PC: variants seen among roughly 807,000 people sequenced by gnomAD.
PC encodes pyruvate carboxylase.
In PC, 46 loss-of-function variants were observed where a neutral mutation model predicts 107.8. The observed-to-expected ratio is 0.43, with a 90% confidence interval of 0.34 to 0.55. PC has a LOEUF of 0.55. Ranked by LOEUF, PC falls within the 20% of genes least tolerant of loss-of-function variation. The probability of loss-of-function intolerance (pLI) is 0.04; values close to 1 mark genes in which losing one functional copy is unlikely to be tolerated. For missense variants in PC, 1,241 were observed against 1,643.1 expected (o/e 0.76, Z 4.23); for synonymous variants, 662 against 684.7 (o/e 0.97, Z 0.52).
At chr11:66,928,507 A>C (rs1442081707) in intron 3 of PC, among the ~76,000 whole-genome samples, 1 of 151,956 alleles carries the variant, frequency 6.6e-6, no homozygotes, top group South Asian at 2.1e-4. Context: ...AAAAAAAATA[A>C]TGTGAGCATT....
At chr11:66,853,532 C>T in intron 12 of PC, 149 bp from the exon 13 acceptor site, 1 of 907,078 alleles carries the variant, frequency 1.1e-6, no homozygotes, top group Non-Finnish European at 1.8e-6. Context: ...TTCCCCGTCC[C>T]TCAGCCCTCT....
rs759066494 is a variant in PC at position 66,852,671 on chromosome 11, CAG to C, written c.1604-13_1604-12del. 33 of 1,613,090 alleles carry C rather than the reference CAG, an allele frequency of 2.0e-5. No homozygotes were observed. Among genetic ancestry groups the C allele is most frequent in the South Asian group, 4.4e-5 (4 of 91,068 alleles). On this transcript the variant is annotated splice_polypyrimidine_tract_variant and intron_variant, in intron 14 of 22. Transcript: ENST00000393960. This position sits in a 1 kb window ranked among gnomAD's most constrained non-coding sequence, Gnocchi z 4.7. ...CAGCCGGGGGCGGGCCTAGGGTAGA[CAG>C]GGGCATTGGTGCCCATCCTGCAGGT...
intron 12 of PC, among the ~76,000 whole-genome samples, chr11:66,856,347 G>T (rs1297154224): frequency 6.6e-6 from 1 of 151,834 alleles, no homozygotes; most frequent in African/African-American, 2.4e-5. Context: ...GCTCCGGAAC[G>T]CCTGGCCCGC....
In PC at chr11:66,850,490, G is replaced by A. The variant is rs757093553; in HGVS notation, c.2474-26C>T. 5 of 1,613,686 alleles carry A rather than the reference G, an allele frequency of 3.1e-6. No homozygotes were observed. The South Asian group carries it at 3.3e-5, about 11-fold the overall frequency. On this transcript the variant is annotated intron_variant, in intron 18 of 22. Coordinates refer to ENST00000393960, the MANE Select transcript of PC (RefSeq NM_001040716.2). ...CTGCAGGGAGGCCAGAGTCAGAGGA[G>A]GCCTTAGAAATGTGTGACTCTTCCA...
chr11:66,868,988 G>A, intron 9 of PC, 24 bp from the exon 10 acceptor site: 1 of 1,572,930 alleles, frequency 6.4e-7, no homozygotes, highest in South Asian at 1.1e-5. Flanking sequence ...CACGTGAGCA[G>A]GGGAGGGCAC....
chr11:66,914,412 T>G (rs1487495133), intron 3 of PC, among the ~76,000 whole-genome samples: 1 of 151,626 alleles, frequency 6.6e-6, no homozygotes, highest in African/African-American at 2.4e-5. Context: ...CTAGGGAGGC[T>G]GAGGCAGGAA....
intron 3 of PC, among the ~76,000 whole-genome samples, chr11:66,900,444 G>A (rs550361482): frequency 2.0e-5 from 3 of 152,078 alleles, no homozygotes; most frequent in African/African-American, 7.2e-5. Flanking sequence ...TTACAGGTGC[G>A]AGCCACTGCA....
intron 3 of PC, among the ~76,000 whole-genome samples, chr11:66,900,325 C>A (rs566135527): frequency 6.6e-6 from 1 of 152,152 alleles, no homozygotes; most frequent in Non-Finnish European, 1.5e-5. Flanking sequence ...CAGGCGCCCA[C>A]CACCACGCCC....
intron 3 of PC, among the ~76,000 whole-genome samples, chr11:66,905,161 G>C (rs777264272): frequency 1.3e-5 from 2 of 152,242 alleles, no homozygotes; most frequent in African/African-American, 4.8e-5. Context: ...ATCTGCTGAC[G>C]AGGCAAGACT....
Position 66,861,722 on chromosome 11 carries a change from C to T in PC, c.1368+2052G>A, listed in dbSNP as rs1056989502. Among the ~76,000 whole-genome samples, 13 of 152,216 alleles carry T rather than the reference C, an allele frequency of 8.5e-5. No homozygotes were observed. In the South Asian group the frequency reaches 1.0e-3, roughly 12 times the overall value. ...GGGCGCTAGCATGAGGCTCAGGAGG[C>T]GGCTAGAGCCAGCGGCCTGGTCTTG... On this transcript the variant is annotated intron_variant, in intron 12 of 22. Transcript: ENST00000393960.
intron 3 of PC, among the ~76,000 whole-genome samples, chr11:66,943,016 C>CAA (rs373572519): frequency 8.2e-6 from 1 of 121,516 alleles, no homozygotes; most frequent in Non-Finnish European, 1.8e-5. Flanking sequence ...AACTCCATCT[C>CAA]AAAAAAAAAA....
At chr11:66,939,634 G>A (rs555955772) in intron 3 of PC, among the ~76,000 whole-genome samples, 72 of 151,850 alleles carry the variant, frequency 4.7e-4, no homozygotes, top group Admixed American at 6.6e-5. Context: ...GAGAAACCCC[G>A]TCTCTACTAA....
chr11:66,862,117 GC>G (rs1946290193), intron 12 of PC, among the ~76,000 whole-genome samples: 1 of 152,160 alleles, frequency 6.6e-6, no homozygotes, highest in African/African-American at 2.4e-5. Context: ...CACCGAAGCA[GC>G]CGCAGGACAT....
intron 3 of PC, among the ~76,000 whole-genome samples, chr11:66,927,933 G>A (rs1224956785): frequency 4.6e-5 from 7 of 152,148 alleles, no homozygotes; most frequent in African/African-American, 1.7e-4. Flanking sequence ...TGAAGAGACA[G>A]AGAGGGAACT....
intron 12 of PC, among the ~76,000 whole-genome samples, chr11:66,862,219 C>T (rs1048739844): frequency 2.6e-5 from 4 of 152,196 alleles, no homozygotes; most frequent in African/African-American, 4.8e-5. Flanking sequence ...CCTATGTGCA[C>T]GACAGGGACC....
chr11:66,861,162 G>A (rs755430858), intron 12 of PC, among the ~76,000 whole-genome samples: 3 of 152,202 alleles, frequency 2.0e-5, no homozygotes, highest in African/African-American at 2.4e-5. Context: ...GGAGGCAGCC[G>A]GATGGGCACG....
intron 9 of PC, among the ~76,000 whole-genome samples, chr11:66,869,333 C>G (rs1476669133): frequency 6.6e-6 from 1 of 151,760 alleles, no homozygotes; most frequent in African/African-American, 2.4e-5. Context: ...CCAGGCCTCT[C>G]CCAGCCGCTG....
rs1945325845 is a variant in PC, at chr11:66,849,249, T to C, written c.3269A>G (p.Lys1090Arg). Residue 1090 changes from lysine to arginine, a missense_variant, in exon 22 of 23, where the codon AAG (lysine) becomes AGG (arginine). Lys to Arg is a conservative substitution (Grantham distance 26). Around this residue, in one of 2 missense-constraint regions of PC, gnomAD observed 1,143 missense variants for 1,551.9 expected, o/e 0.74. Coordinates refer to ENST00000393960, the MANE Select transcript of PC (RefSeq NM_001040716.2). ...LNGQLRSILV[K>R]DTQAMKEMHF... ...CAATACCTTCATGGCCTGGGTGTCC[T>C]TGACCAAGATGGACCGCAGCTGCCC... The C allele has an allele frequency of 6.2e-7, 1 of 1,613,708 alleles. No homozygotes were observed. Among genetic ancestry groups the C allele is most frequent in the Non-Finnish European group, 8.5e-7 (1 of 1,180,018 alleles).
At chr11:66,943,783 AAAG>A (rs1949212794) in intron 3 of PC, among the ~76,000 whole-genome samples, 1 of 146,320 alleles carries the variant, frequency 6.8e-6, no homozygotes, top group South Asian at 2.2e-4. Flanking sequence ...AAAAAAAAAA[AAAG>A]AAATTTCTCA....
Sources: gnomAD v4.1 joint callset for allele counts (sites outside exome capture counted in the v4.1 genomes callset) on GRCh38, gnomAD v4.1.1 for gene constraint, gnomAD v4.1.1 regional missense constraint, Gnocchi (gnomAD v3.1) non-coding constraint, MANE v1.5 for transcripts, NCBI Gene and HGNC (gene_info 2026-07-23, HGNC 2026-07-21) for gene names.